Variants in CAST observed in about 807,000 individuals in gnomAD.
CAST encodes MIR583 host.
Under a neutral mutation model 119.6 loss-of-function variants are expected in CAST, and 76 were observed. The ratio of observed to expected loss-of-function variants is 0.64; its 90% CI spans 0.53 to 0.77. The LOEUF (loss-of-function observed/expected upper bound fraction) is 0.77. Among genes scored for constraint, CAST ranks in the 30% least tolerant of loss-of-function variants. CAST has a pLI of 0.00. For missense variants in CAST, 953 were observed against 946.5 expected (o/e 1.01, Z -0.09); for synonymous variants, 319 against 331.6 (o/e 0.96, Z 0.41).
At chr5:96,158,677 G>C in the CAST span, among the ~76,000 whole-genome samples, 1 of 152,160 alleles carries the variant, frequency 6.6e-6, no homozygotes. Flanking sequence ...ATTTGTAAAA[G>C]GTGCTTTATG....
At chr5:96,550,163 C>G (rs969339990) in intron 1 of CAST, among the ~76,000 whole-genome samples, 1 of 152,224 alleles carries the variant, frequency 6.6e-6, no homozygotes, top group Non-Finnish European at 1.5e-5. Context: ...TAGGGGCCGA[C>G]AGACACCTCA....
At chr5:96,003,656 T>C in the CAST span, among the ~76,000 whole-genome samples, 2 of 152,214 alleles carry the variant, frequency 1.3e-5, no homozygotes, top group Admixed American at 6.5e-5. Context: ...ACAGAGATCA[T>C]TTAAAAATTA....
the CAST span, among the ~76,000 whole-genome samples, chr5:95,985,100 G>C: frequency 6.6e-6 from 1 of 152,122 alleles, no homozygotes; most frequent in Admixed American, 6.6e-5. Flanking sequence ...TTCCCTTGAG[G>C]CCAGGAGTTT....
the CAST span, among the ~76,000 whole-genome samples, chr5:96,336,989 C>A: frequency 6.6e-6 from 1 of 152,110 alleles, no homozygotes; most frequent in Non-Finnish European, 1.5e-5. Flanking sequence ...GGGGTAAGAG[C>A]TGTTTTGCAG....
the CAST span, among the ~76,000 whole-genome samples, chr5:96,100,098 GC>G: frequency 6.6e-6 from 1 of 152,176 alleles, no homozygotes; most frequent in Non-Finnish European, 1.5e-5. Context: ...CAGTTTCTGA[GC>G]CCTGGGCTAG....
chr5:96,660,068 T>C (rs562314671), upstream of CAST, among the ~76,000 whole-genome samples: 1 of 152,236 alleles, frequency 6.6e-6, no homozygotes, highest in Admixed American at 6.5e-5. Flanking sequence ...ATACCTAATA[T>C]ATCATGTATT....
intron 1 of CAST, among the ~76,000 whole-genome samples, chr5:96,638,651 C>T (rs1365596732): frequency 6.6e-6 from 1 of 152,104 alleles, no homozygotes; most frequent in Non-Finnish European, 1.5e-5. Context: ...CGATTTTGTT[C>T]TGATATACCA....
chr5:96,619,554 C>G (rs911500158), intron 1 of CAST, among the ~76,000 whole-genome samples: 3 of 152,202 alleles, frequency 2.0e-5, no homozygotes, highest in African/African-American at 7.2e-5. Context: ...TGTTCTTTTG[C>G]TTTTTGCAAT....
chr5:96,246,350 T>C, the CAST span, among the ~76,000 whole-genome samples: 26 of 151,868 alleles, frequency 1.7e-4, no homozygotes, highest in Non-Finnish European at 2.9e-5. Context: ...GCCCGGCTAA[T>C]TTCTTTTTGT....
the CAST span, among the ~76,000 whole-genome samples, chr5:96,358,803 T>C: frequency 1.3e-5 from 2 of 152,200 alleles, no homozygotes; most frequent in Admixed American, 1.3e-4. Flanking sequence ...AGAATATATA[T>C]TCTGTTGATC....
intron 3 of CAST, among the ~76,000 whole-genome samples, chr5:96,700,336 C>G (rs1019059756): frequency 6.6e-6 from 1 of 152,186 alleles, no homozygotes; most frequent in Admixed American, 6.5e-5. Context: ...TAAAGTAAAT[C>G]TACTTCTTTT....
At chr5:96,136,937 T>C in the CAST span, among the ~76,000 whole-genome samples, 1 of 152,236 alleles carries the variant, frequency 6.6e-6, no homozygotes, top group African/African-American at 2.4e-5. Context: ...CTATTTGGGT[T>C]AGCACTTTTT....
chr5:96,301,921 G>C, the CAST span, among the ~76,000 whole-genome samples: 7 of 152,114 alleles, frequency 4.6e-5, no homozygotes, highest in African/African-American at 1.7e-4. Flanking sequence ...TCATAGCTCC[G>C]CTAGGCATTG....
intron 29 of CAST, among the ~76,000 whole-genome samples, chr5:96,768,768 C>T (rs1216367797): frequency 6.6e-6 from 1 of 152,202 alleles, no homozygotes; most frequent in Non-Finnish European, 1.5e-5. Context: ...GTCTACTCTT[C>T]ATTCCTCAGG....
chr5:96,663,848 T>A (rs1006341645), intron 1 of CAST, among the ~76,000 whole-genome samples: 2 of 152,088 alleles, frequency 1.3e-5, no homozygotes, highest in African/African-American at 4.8e-5. Context: ...GCATTGAATG[T>A]TTGTCCTGCC....
the CAST span, among the ~76,000 whole-genome samples, chr5:96,284,374 A>G: frequency 6.6e-6 from 1 of 152,134 alleles, no homozygotes; most frequent in Non-Finnish European, 1.5e-5. Context: ...GGGTGCTAAT[A>G]ATCAGGTCTC....
At chr5:96,510,025 T>A in the CAST span, among the ~76,000 whole-genome samples, 4 of 152,188 alleles carry the variant, frequency 2.6e-5, no homozygotes, top group African/African-American at 9.7e-5. Context: ...GAAATCAAAG[T>A]CCTCTTTTGG....
Position 96,737,921 on chromosome 5 carries a change from A to G in CAST, c.772A>G (p.Thr258Ala). Reference protein sequence around the residue: ...GGPEETEEENTTYTGPEVSDP... With the variant: ...GGPEETEEENATYTGPEVSDP... ...ACCTGAAGAAACTGAAGAAGAAAAT[A>G]CAACGTATACTGGACCAGAAGTTTC... The change falls in exon 11 of 32, where the codon ACA (threonine) becomes GCA (alanine). Residue 258 changes from threonine (T) to alanine (A), a missense_variant. Transcript: ENST00000675179. 4.4e-6 allele frequency: 7 copies of G among 1,601,142 alleles called. No homozygotes were observed. The highest frequency in any genetic ancestry group is 5.1e-6 in the Non-Finnish European group (6 of 1,168,316).
At position 96,643,810 on chromosome 5, in the gene CAST, T is replaced by C. The variant is rs183218035; in HGVS notation, c.61-31729T>C. Among the ~76,000 whole-genome samples the C allele has an allele frequency of 9.4e-4, 143 of 152,286 alleles. 1 individual carries two copies. The highest frequency in any genetic ancestry group is 3.4e-3 in the African/African-American group (140 of 41,554). On this transcript the variant is annotated intron_variant, in intron 1 of 11. Coordinates refer to the CAST transcript ENST00000505143. ...ATCGCTTGAACCTTGGAGGCCGAGATTGCAGTGAGCCCAGATCATGACACT... is the reference window on the plus strand; with the variant it reads ...ATCGCTTGAACCTTGGAGGCCGAGACTGCAGTGAGCCCAGATCATGACACT...
Sources: allele counts gnomAD v4.1 joint callset (sites outside exome capture counted in the v4.1 genomes callset), GRCh38; gene constraint gnomAD v4.1.1; transcripts MANE v1.5; gene names NCBI Gene and HGNC (gene_info 2026-07-23, HGNC 2026-07-21).